Variants in NPRL3 observed in about 807,000 individuals in gnomAD.
NPRL3 encodes the protein GATOR1 complex protein NPRL3.
NPRL3 carries 23 observed loss-of-function variants against 57.2 expected under a neutral mutation model. The ratio of observed to expected loss-of-function variants is 0.40; its 90% CI spans 0.29 to 0.57. The LOEUF (loss-of-function observed/expected upper bound fraction) is 0.57. NPRL3 is among the 20% of genes least tolerant of loss of function. NPRL3 has a pLI of 0.42. For synonymous variants in NPRL3, 333 were observed against 321.1 expected, an observed-to-expected ratio of 1.04 and a Z score of -0.39; for missense variants, 691 against 767.1, an observed-to-expected ratio of 0.90 and a Z score of 1.17.
intron 2 of NPRL3, among the ~76,000 whole-genome samples, chr16:134,952 C>T (rs1280859301): frequency 1.3e-5 from 2 of 151,880 alleles, no homozygotes; most frequent in Non-Finnish European, 2.9e-5. Context: ...CCGCCCGCCT[C>T]GGCCTCCCAA....
chr16:111,017 A>G (rs1220231700), intron 6 of NPRL3, among the ~76,000 whole-genome samples: 2 of 152,224 alleles, frequency 1.3e-5, no homozygotes, highest in Non-Finnish European at 1.5e-5. Flanking sequence ...GACTCTAAAA[A>G]GATAACGTTT....
chr16:117,395 CTAAT>C lies in NPRL3; in HGVS notation c.319-24_319-21del. 6.4e-7 allele frequency: 1 copy of C among 1,560,668 alleles called. No homozygotes were observed. Among genetic ancestry groups the C allele is most frequent in the Non-Finnish European group, 8.8e-7 (1 of 1,137,604 alleles). On this transcript the variant is annotated intron_variant, in intron 4 of 13. Transcript: ENST00000611875. ...GGAGATCTGTAAAAGATGCATAATT[CTAAT>C]TAATTGAGACGACTTTCTAAGGAAA...
chr16:88,899 G>T lies in NPRL3; in HGVS notation c.1352-9C>A, dbSNP rs539074617. 19 of 1,606,122 alleles carry T rather than the reference G, an allele frequency of 1.2e-5. No homozygotes were observed. In the Middle Eastern group the frequency reaches 2.3e-3, roughly 196 times the overall value. On this transcript the variant is annotated splice_polypyrimidine_tract_variant and intron_variant, in intron 12 of 13. Coordinates refer to ENST00000611875, the MANE Select transcript of NPRL3 (RefSeq NM_001077350.3). ...CATGTCATCGCTGCTGGCTGTGGGG[G>T]ACATGGGTCAGGGTGACCAAGTGGA...
intron 2 of NPRL3, 69 bp from the exon 3 acceptor site, chr16:130,660 A>C (rs774297924): frequency 8.4e-6 from 12 of 1,431,294 alleles, no homozygotes; most frequent in Non-Finnish European, 1.1e-5. Flanking sequence ...AGGGTTATGG[A>C]ACCGTTAACA....
At chr16:93,957 G>A (rs1373545142) in intron 9 of NPRL3, among the ~76,000 whole-genome samples, 2 of 152,152 alleles carry the variant, frequency 1.3e-5, no homozygotes, top group African/African-American at 4.8e-5. Context: ...GTGGTCTCAG[G>A]CCACAAGCAT....
intron 3 of NPRL3, among the ~76,000 whole-genome samples, chr16:126,811 T>C (rs1418027972): frequency 2.0e-5 from 3 of 152,226 alleles, no homozygotes; most frequent in African/African-American, 7.2e-5. Context: ...TTTCTCATAA[T>C]TGAATTATAG....
chr16:135,686 T>G (rs771092300), intron 2 of NPRL3, among the ~76,000 whole-genome samples: 19 of 151,782 alleles, frequency 1.3e-4, no homozygotes, highest in Non-Finnish European at 2.4e-4. Flanking sequence ...TGTTAATAAT[T>G]TTGGAGAGCA....
At chr16:123,514 C>G in intron 3 of NPRL3, 1 of 471,064 alleles carries the variant, frequency 2.1e-6, no homozygotes, top group South Asian at 1.5e-5. Flanking sequence ...TACCCTGCAA[C>G]CAATTGCTCA....
intron 5 of NPRL3, among the ~76,000 whole-genome samples, chr16:116,455 C>G (rs1193067227): frequency 6.6e-6 from 1 of 152,140 alleles, no homozygotes; most frequent in Non-Finnish European, 1.5e-5. Flanking sequence ...ACCCTGTACC[C>G]CAGGAGCCAT....
chr16:113,907 C>A (rs1404310424), intron 5 of NPRL3, among the ~76,000 whole-genome samples: 1 of 152,196 alleles, frequency 6.6e-6, no homozygotes, highest in African/African-American at 2.4e-5. Context: ...GATGGACTTA[C>A]AACAAGGCAG....
chr16:87,422 A>G (rs1302838123), intron 13 of NPRL3, among the ~76,000 whole-genome samples: 1 of 151,792 alleles, frequency 6.6e-6, no homozygotes, highest in Non-Finnish European at 1.5e-5. Context: ...TTTAGTAGAG[A>G]CAGGGTTTCA....
Position 86,812 on chromosome 16 carries a change from T to G in NPRL3, c.1603A>C (p.Thr535Pro). Residue 535 changes from threonine (T) to proline (P), a missense_variant, in exon 14 of 14, where the codon ACG (threonine) becomes CCG (proline). Thr to Pro is a conservative substitution (Grantham distance 38). Coordinates refer to ENST00000611875, the MANE Select transcript of NPRL3 (RefSeq NM_001077350.3). ...HLEEIMYNENTRRSQLLMLFD... is the reference protein window; with the variant it reads ...HLEEIMYNENPRRSQLLMLFD... ...AGCATGAGCAGCTGGGAGCGCCGCG[T>G]GTTCTCGTTGTACATAATCTCCTCC... The G allele has an allele frequency of 1.2e-6, 2 of 1,613,102 alleles. No individual in the cohort carries two copies. The highest frequency in any genetic ancestry group is 1.1e-5 in the South Asian group (1 of 90,832).
chr16:100,511 T>C lies in NPRL3; in HGVS notation c.630-2A>G. The C allele has an allele frequency of 6.4e-7, 1 of 1,564,000 alleles. No individual in the cohort carries two copies. Among genetic ancestry groups the C allele is most frequent in the Non-Finnish European group, 8.6e-7 (1 of 1,158,566 alleles). On this transcript the variant is annotated splice_acceptor_variant, in intron 7 of 13. Transcript: ENST00000611875. LOFTEE classifies it high-confidence loss of function. ...CGAACTACGCCCGACGTGCACAGGC[T>C]GCAGAGAGTGGGCGCTGTTACCCGT...
intron 3 of NPRL3, among the ~76,000 whole-genome samples, chr16:128,640 C>T (rs950834041): frequency 3.3e-5 from 5 of 152,266 alleles, no homozygotes; most frequent in Admixed American, 1.3e-4. Context: ...TGGTGGCAGT[C>T]GCCTGTAGTC....
At chr16:125,689 C>T (rs576224274) in intron 3 of NPRL3, 2 of 152,414 alleles carry the variant, frequency 1.3e-5, no homozygotes, top group East Asian at 3.9e-4. Flanking sequence ...GAACCCTGAA[C>T]CTGCACTTGT....
chr16:89,672 C>T (rs1232476695), intron 12 of NPRL3, 41 bp downstream of exon 12: 17 of 1,459,428 alleles, frequency 1.2e-5, no homozygotes, highest in South Asian at 7.1e-5. Flanking sequence ...CACCCCCAAG[C>T]GTCTCCCCTG....
Position 119,225 on chromosome 16 carries a change from C to T in NPRL3, c.219G>A (p.Leu73=). The stretch of plus-strand genomic sequence containing the variant: ...GGCCACACATTTCAGACTTGGTTGC[C>T]AAAATTGTTGCCAGAATAACATCTG... ...RFSDVILATI[L]ATKSEMCGQK... Residue 73 remains leucine (L), a synonymous_variant, in exon 4 of 14, where the codon TTG becomes TTA. Coordinates refer to ENST00000611875, the MANE Select transcript of NPRL3 (RefSeq NM_001077350.3). The T allele has an allele frequency of 6.2e-7, 1 of 1,610,468 alleles. No individual in the cohort carries two copies. The highest frequency in any genetic ancestry group is 8.5e-7 in the Non-Finnish European group (1 of 1,178,210).
At chr16:111,154 C>T (rs1267284637) in intron 6 of NPRL3, among the ~76,000 whole-genome samples, 1 of 152,012 alleles carries the variant, frequency 6.6e-6, no homozygotes, top group African/African-American at 2.4e-5. Flanking sequence ...AATCCCAGCA[C>T]TTTGGGAGGC....
At position 89,049 on chromosome 16, in the gene NPRL3, G is replaced by A. The variant is rs1482149403; in HGVS notation, c.1352-159C>T. On this transcript the variant is annotated intron_variant, in intron 12 of 13. Coordinates refer to ENST00000611875, the MANE Select transcript of NPRL3 (RefSeq NM_001077350.3). The stretch of plus-strand genomic sequence containing the variant: ...CATTCGCTGCTGCCCCACCTCCTGG[G>A]TGTGACACGCCCCTCATACGGCTGA... 3.9e-5 allele frequency: 26 copies of A among 671,166 alleles called. 1 individual carries two copies. In the South Asian group the frequency reaches 4.9e-4, roughly 13 times the overall value. 41.6% of individuals were successfully genotyped at this position (671,166 alleles called of 1,614,324 possible).
Sources: allele counts gnomAD v4.1 joint callset (sites outside exome capture counted in the v4.1 genomes callset), GRCh38; gene constraint gnomAD v4.1.1; transcripts MANE v1.5; gene names NCBI Gene and HGNC (gene_info 2026-07-23, HGNC 2026-07-21).